Variants in GPC5 observed in about 807,000 individuals in gnomAD.
GPC5 encodes the protein glypican 5, also known as glypican-5.
A neutral mutation model predicts 53.9 loss-of-function variants in GPC5; 47 were observed. That is an observed-to-expected ratio of 0.87 (90% CI 0.69 to 1.11). The LOEUF is 1.11. Among genes scored for constraint, GPC5 ranks in the 50% most tolerant of loss-of-function variants. The probability of loss-of-function intolerance (pLI) is 0.00; values close to 1 mark genes in which losing one functional copy is unlikely to be tolerated. For synonymous variants in GPC5, 286 were observed against 263.3 expected (o/e 1.09, Z -0.84); for missense variants, 748 against 713.1 (o/e 1.05, Z -0.56).
At chr13:92,507,301 T>A (rs1880407567) in intron 7 of GPC5, among the ~76,000 whole-genome samples, 2 of 152,226 alleles carry the variant, frequency 1.3e-5, no homozygotes, top group Admixed American at 6.5e-5. Flanking sequence ...CTATTTACAT[T>A]TTTACTTTTT....
At chr13:91,474,439 A>G (rs529324083) in intron 2 of GPC5, among the ~76,000 whole-genome samples, 115 of 152,256 alleles carry the variant, frequency 7.6e-4, no homozygotes, top group Non-Finnish European at 1.1e-3. Context: ...ATGTAAGGGT[A>G]GGAGTATATG....
chr13:91,844,741 A>G (rs954703866), intron 5 of GPC5, among the ~76,000 whole-genome samples: 1 of 151,300 alleles, frequency 6.6e-6, no homozygotes, highest in South Asian at 2.1e-4. Flanking sequence ...GTTTTTTTTT[A>G]GACAGAGTCT....
chr13:92,538,463 CT>C (rs1239509868), intron 7 of GPC5, among the ~76,000 whole-genome samples: 177 of 139,850 alleles, frequency 1.3e-3, no homozygotes, highest in Non-Finnish European at 1.3e-3. Context: ...TTCTTTCTTT[CT>C]TTTTTTTTTT....
At chr13:92,421,516 G>A (rs1185630811) in intron 7 of GPC5, among the ~76,000 whole-genome samples, 3 of 151,922 alleles carry the variant, frequency 2.0e-5, no homozygotes, top group East Asian at 1.9e-4. Flanking sequence ...TGGCTAACAC[G>A]GTGAAACCCT....
intron 7 of GPC5, among the ~76,000 whole-genome samples, chr13:92,633,023 T>A (rs919254373): frequency 3.3e-5 from 5 of 152,160 alleles, no homozygotes; most frequent in Non-Finnish European, 5.9e-5. Context: ...CCTGAGTAGC[T>A]GGGATTACAG....
Position 92,336,806 on chromosome 13 carries a change from A to G in GPC5, c.1561+191817A>G, listed in dbSNP as rs578262198. Among the ~76,000 whole-genome samples, 21 of 152,318 alleles carry G rather than the reference A, an allele frequency of 1.4e-4. No homozygotes were observed. In the South Asian group the frequency reaches 1.9e-3, roughly 14 times the overall value. On this transcript the variant is annotated intron_variant, in intron 7 of 7. Transcript: ENST00000377067. ...AATGCAATCAAAACCTAGAGTATCTATTCCTGGTTCCTGAAATCTGACTGA... is the reference window on the plus strand; with the variant it reads ...AATGCAATCAAAACCTAGAGTATCTGTTCCTGGTTCCTGAAATCTGACTGA...
At chr13:91,816,141 T>C (rs911377366) in intron 5 of GPC5, among the ~76,000 whole-genome samples, 1 of 152,194 alleles carries the variant, frequency 6.6e-6, no homozygotes, top group Non-Finnish European at 1.5e-5. Context: ...TATTTAATGA[T>C]GATTTACTGT....
intron 2 of GPC5, among the ~76,000 whole-genome samples, chr13:91,591,221 G>A (rs2032786055): frequency 6.6e-6 from 1 of 152,126 alleles, no homozygotes; most frequent in African/African-American, 2.4e-5. Flanking sequence ...TCTTCCACCA[G>A]AAATTGGGTT....
At chr13:92,500,408 G>T (rs934432823) in intron 7 of GPC5, among the ~76,000 whole-genome samples, 3 of 152,044 alleles carry the variant, frequency 2.0e-5, no homozygotes, top group African/African-American at 7.2e-5. Context: ...TACTGTTGCC[G>T]GACCCCCAGG....
At chr13:92,799,504 G>C (rs1236511933) in intron 7 of GPC5, among the ~76,000 whole-genome samples, 1 of 151,704 alleles carries the variant, frequency 6.6e-6, no homozygotes, top group Non-Finnish European at 1.5e-5. Context: ...ATTTACATGG[G>C]AACAAGAGGA....
At chr13:91,725,299 CA>C (rs1358411490) in intron 3 of GPC5, 1 of 152,084 alleles carries the variant, frequency 6.6e-6, no homozygotes, top group Non-Finnish European at 1.5e-5. Flanking sequence ...TGGTAGAGAC[CA>C]GGGAGGAGAA....
chr13:92,447,916 A>T (rs1184828759), intron 7 of GPC5: 1 of 152,136 alleles, frequency 6.6e-6, no homozygotes, highest in African/African-American at 2.4e-5. Context: ...TTGCAGTTTG[A>T]ATTCTTTTCT....
Position 92,116,446 on chromosome 13 carries a change from C to A in GPC5, c.1402-28384C>A, listed in dbSNP as rs1057289030. ...AATAAACTTCTGTTGTTTAAGCCTC[C>A]CGGTTTGTGATTCTTTGTCATGGCA... On this transcript the variant is annotated intron_variant, in intron 6 of 7. Transcript: ENST00000377067. Among the ~76,000 whole-genome samples, 116 of 152,212 alleles carry A rather than the reference C, an allele frequency of 7.6e-4. 1 individual carries two copies. The highest frequency in any genetic ancestry group is 2.6e-3 in the African/African-American group (110 of 41,516).
At chr13:92,623,384 A>C (rs1450763403) in intron 7 of GPC5, among the ~76,000 whole-genome samples, 1 of 152,174 alleles carries the variant, frequency 6.6e-6, no homozygotes, top group Non-Finnish European at 1.5e-5. Flanking sequence ...GAAGGAAGAA[A>C]TTGCTGAACA....
chr13:92,617,795 C>T (rs1395294348), intron 7 of GPC5, among the ~76,000 whole-genome samples: 1 of 152,094 alleles, frequency 6.6e-6, no homozygotes, highest in Non-Finnish European at 1.5e-5. Flanking sequence ...AATTTATACT[C>T]ATACTATAGG....
chr13:91,539,968 A>G (rs1488827470), intron 2 of GPC5, among the ~76,000 whole-genome samples: 1 of 152,208 alleles, frequency 6.6e-6, no homozygotes, highest in Non-Finnish European at 1.5e-5. Flanking sequence ...CATTCCTTTC[A>G]TGTATTACAT....
chr13:92,462,243 G>A (rs745457055), intron 7 of GPC5, among the ~76,000 whole-genome samples: 1 of 152,142 alleles, frequency 6.6e-6, no homozygotes, highest in Admixed American at 6.6e-5. Flanking sequence ...TACAGGGTTC[G>A]AGGTGGAAGC....
In GPC5 at chr13:91,526,097, G is replaced by T. The variant is rs369609405; in HGVS notation, c.325+77175G>T. Among the ~76,000 whole-genome samples the T allele has an allele frequency of 4.6e-5, 7 of 152,246 alleles. No homozygotes were observed. The East Asian group carries it at 1.4e-3, about 29-fold the overall frequency. ...TCCCCAGGTAACATCAAAAGGTATA[G>T]TTCTTTCAAAATTTTAGTTTAGAGG... On this transcript the variant is annotated intron_variant, in intron 2 of 7. Coordinates refer to ENST00000377067, the MANE Select transcript of GPC5 (RefSeq NM_004466.6).
intron 5 of GPC5, among the ~76,000 whole-genome samples, chr13:91,778,148 A>G (rs2037740990): frequency 6.6e-6 from 1 of 152,206 alleles, no homozygotes; most frequent in Non-Finnish European, 1.5e-5. Flanking sequence ...TCTTAAAAGA[A>G]GAAAATGTGC....
Sources: allele counts gnomAD v4.1 joint callset (sites outside exome capture counted in the v4.1 genomes callset), GRCh38; gene constraint gnomAD v4.1.1; transcripts MANE v1.5; gene names NCBI Gene and HGNC (gene_info 2026-07-23, HGNC 2026-07-21).